Variants in PCDH7 observed in about 807,000 individuals in gnomAD.
The protein encoded by PCDH7 is protocadherin 7, also known as protocadherin-7.
Under a neutral mutation model 58.9 loss-of-function variants are expected in PCDH7, and 17 were observed. The ratio of observed to expected loss-of-function variants is 0.29; its 90% CI spans 0.20 to 0.43. PCDH7 has a LOEUF of 0.43. PCDH7 is among the 20% of genes least tolerant of loss of function. The probability of loss-of-function intolerance (pLI) is 1.00; values close to 1 mark genes in which losing one functional copy is unlikely to be tolerated. For synonymous variants in PCDH7, 664 were observed against 616.4 expected (o/e 1.08, Z -1.14); for missense variants, 1,274 against 1,441.0 (o/e 0.88, Z 1.88).
intron 1 of PCDH7, among the ~76,000 whole-genome samples, chr4:30,820,947 T>A (rs1234335331): frequency 6.6e-6 from 1 of 152,152 alleles, no homozygotes; most frequent in Non-Finnish European, 1.5e-5. Flanking sequence ...TGGAATTATT[T>A]TTCTGTGCCT....
At chr4:30,944,022 A>T (rs1746374912) in intron 2 of PCDH7, among the ~76,000 whole-genome samples, 2 of 151,926 alleles carry the variant, frequency 1.3e-5, no homozygotes, top group Non-Finnish European at 2.9e-5. Flanking sequence ...TTTTTATTCC[A>T]CTCAATATTG....
chr4:30,868,540 G>C (rs1430352024), intron 1 of PCDH7, among the ~76,000 whole-genome samples: 2 of 151,884 alleles, frequency 1.3e-5, no homozygotes, highest in African/African-American at 4.8e-5. Flanking sequence ...GTTTGTAATG[G>C]CAATTCCTTG....
chr4:31,083,115 A>G (rs1463581356), intron 3 of PCDH7, among the ~76,000 whole-genome samples: 2 of 151,962 alleles, frequency 1.3e-5, no homozygotes, highest in African/African-American at 2.4e-5. Context: ...CTCAAAAACA[A>G]AAACAAAAAC....
At chr4:30,992,247 T>C (rs1034239428) in intron 3 of PCDH7, among the ~76,000 whole-genome samples, 1 of 152,224 alleles carries the variant, frequency 6.6e-6, no homozygotes, top group African/African-American at 2.4e-5. Flanking sequence ...AACGGTCATA[T>C]GATGCAACAT....
At chr4:31,072,089 G>T (rs961568560) in intron 3 of PCDH7, among the ~76,000 whole-genome samples, 1 of 152,000 alleles carries the variant, frequency 6.6e-6, no homozygotes, top group African/African-American at 2.4e-5. Context: ...CTGCACACTA[G>T]CACACCTCTA....
At chr4:31,066,067 T>A (rs1214575827) in intron 3 of PCDH7, among the ~76,000 whole-genome samples, 1 of 151,846 alleles carries the variant, frequency 6.6e-6, no homozygotes, top group Non-Finnish European at 1.5e-5. Context: ...TAACCAATGA[T>A]CACCATCCTG....
chr4:30,728,201 T>G (rs1577556461), intron 1 of PCDH7, among the ~76,000 whole-genome samples: 1 of 151,536 alleles, frequency 6.6e-6, no homozygotes, highest in East Asian at 1.9e-4. Flanking sequence ...ATGGTTGACT[T>G]GCTGTCATCT....
intron 3 of PCDH7, among the ~76,000 whole-genome samples, chr4:31,125,947 G>C (rs569673942): frequency 1.3e-5 from 2 of 152,056 alleles, no homozygotes; most frequent in Non-Finnish European, 2.9e-5. Flanking sequence ...GTATAATATT[G>C]TGATTAAGGG....
intron 2 of PCDH7, among the ~76,000 whole-genome samples, chr4:30,946,684 T>G (rs551723303): frequency 3.6e-4 from 42 of 115,586 alleles, no homozygotes; most frequent in Non-Finnish European, 6.0e-4. Context: ...TAACGCCTTA[T>G]CTCTTTTGTG....
At chr4:30,993,897 A>G (rs961498818) in intron 3 of PCDH7, among the ~76,000 whole-genome samples, 1 of 152,148 alleles carries the variant, frequency 6.6e-6, no homozygotes, top group African/African-American at 2.4e-5. Context: ...TGTGGGTATA[A>G]ATTCACAGTT....
At position 30,774,748 on chromosome 4, in the gene PCDH7, C is replaced by T. The variant is rs552675545; in HGVS notation, c.70+50152C>T. 5.9e-5 allele frequency among the ~76,000 whole-genome samples: 9 copies of T among 152,196 alleles called. 1 individual carries two copies. In the South Asian group the frequency reaches 1.9e-3, roughly 32 times the overall value. Reference sequence around the variant, plus strand: ...AATAGAAGATTTCTGCTCTTATGTTCTAGGGATATATAGTATAGAACTCAG... The same window carrying T: ...AATAGAAGATTTCTGCTCTTATGTTTTAGGGATATATAGTATAGAACTCAG... On this transcript the variant is annotated intron_variant, in intron 1 of 3. Coordinates refer to the PCDH7 transcript ENST00000509759.
intron 1 of PCDH7, among the ~76,000 whole-genome samples, chr4:30,805,824 T>C (rs1726126277): frequency 6.6e-6 from 1 of 152,230 alleles, no homozygotes; most frequent in East Asian, 1.9e-4. Flanking sequence ...CAACATTTGC[T>C]CTGTTTCTCT....
intron 1 of PCDH7, among the ~76,000 whole-genome samples, chr4:30,830,463 A>T (rs1729629242): frequency 6.6e-6 from 1 of 152,032 alleles, no homozygotes. Flanking sequence ...ATTTTAGACT[A>T]AAAAAAGATT....
chr4:30,795,299 A>C (rs1443158068), intron 1 of PCDH7, among the ~76,000 whole-genome samples: 2 of 152,212 alleles, frequency 1.3e-5, no homozygotes, highest in African/African-American at 2.4e-5. Context: ...TGTTTAAATG[A>C]AGATAATAGC....
chr4:30,818,168 C>G (rs534210300), intron 1 of PCDH7, among the ~76,000 whole-genome samples: 1 of 152,252 alleles, frequency 6.6e-6, no homozygotes, highest in East Asian at 1.9e-4. Flanking sequence ...TCAGATCACT[C>G]TATTTGAAAT....
Position 30,916,347 on chromosome 4 carries a change from G to A in PCDH7, c.71-3806G>A, listed in dbSNP as rs369635075. Reference sequence around the variant, plus strand: ...ACTGTCAGAAAATGTCTTCATTATTGGCCTTTTATTTAGATAATTCACTTA... The same window carrying A: ...ACTGTCAGAAAATGTCTTCATTATTAGCCTTTTATTTAGATAATTCACTTA... On this transcript the variant is annotated intron_variant, in intron 1 of 3. Transcript: ENST00000509759. 3.0e-3 allele frequency among the ~76,000 whole-genome samples: 460 copies of A among 151,950 alleles called. 2 individuals carry two copies. The highest frequency in any genetic ancestry group is 6.8e-3 in the Middle Eastern group (2 of 294).
At chr4:31,142,601 C>T in exon 4 of PCDH7, 1 of 1,367,806 alleles carries the variant, frequency 7.3e-7, no homozygotes, top group South Asian at 1.1e-5. Context: ...CCAGCCTAAA[C>T]TGTCCACTTT....
At chr4:30,931,418 A>G (rs1166440080) in intron 2 of PCDH7, among the ~76,000 whole-genome samples, 1 of 152,052 alleles carries the variant, frequency 6.6e-6, no homozygotes, top group Non-Finnish European at 1.5e-5. Flanking sequence ...TGTATTAAAA[A>G]TACAAAATTA....
chr4:31,089,274 CATAAT>C (rs546134966), intron 3 of PCDH7, among the ~76,000 whole-genome samples: 9 of 151,946 alleles, frequency 5.9e-5, no homozygotes, highest in African/African-American at 1.4e-4. Context: ...TTACAATGAA[CATAAT>C]ATAATATATT....
Sources: allele counts gnomAD v4.1 joint callset (sites outside exome capture counted in the v4.1 genomes callset), GRCh38; gene constraint gnomAD v4.1.1; transcripts MANE v1.5; gene names NCBI Gene and HGNC (gene_info 2026-07-23, HGNC 2026-07-21).